The following TBXAS1 variants were observed in gnomAD, a reference collection of about 807,000 sequenced individuals.
TBXAS1 encodes thromboxane A synthase 1.
In TBXAS1, 48 loss-of-function variants were observed where a neutral mutation model predicts 60.7. The observed-to-expected ratio is 0.79, with a 90% confidence interval of 0.63 to 1.01. The LOEUF is 1.01. Ranked by LOEUF, TBXAS1 falls within the 50% of genes least tolerant of loss-of-function variation. The pLI is 0.00. For missense variants in TBXAS1, 685 were observed against 686.3 expected (o/e 1.00, Z 0.02); for synonymous variants, 287 against 269.7 (o/e 1.06, Z -0.63).
chr7:139,998,549 T>C (rs970022176), intron 9 of TBXAS1, among the ~76,000 whole-genome samples: 1 of 152,190 alleles, frequency 6.6e-6, no homozygotes, highest in Admixed American at 6.5e-5. Flanking sequence ...ATATCTGGTT[T>C]TTTTTCATCT....
chr7:139,783,567 C>T (rs547465123), intron 3 of TBXAS1, among the ~76,000 whole-genome samples: 4 of 152,258 alleles, frequency 2.6e-5, no homozygotes, highest in African/African-American at 7.2e-5. Context: ...GCAGTCCAGG[C>T]TGAACTTGGA....
At chr7:139,879,733 T>C (rs960393435) in intron 3 of TBXAS1, among the ~76,000 whole-genome samples, 8 of 152,166 alleles carry the variant, frequency 5.3e-5, no homozygotes, top group South Asian at 2.1e-4. Flanking sequence ...TAATTACTTA[T>C]AGTTAAGTAA....
intron 5 of TBXAS1, among the ~76,000 whole-genome samples, chr7:139,940,845 G>T (rs552026851): frequency 6.6e-6 from 1 of 152,062 alleles, no homozygotes; most frequent in Non-Finnish European, 1.5e-5. Context: ...TCAAAGAACC[G>T]AGAAGCTTTC....
chr7:139,947,257 C>T (rs1025244907), intron 5 of TBXAS1, among the ~76,000 whole-genome samples: 3 of 152,172 alleles, frequency 2.0e-5, no homozygotes, highest in Non-Finnish European at 2.9e-5. Flanking sequence ...AGATTATGTC[C>T]TTTGCAGGGA....
chr7:139,905,027 CTT>C (rs1283933659), intron 3 of TBXAS1, among the ~76,000 whole-genome samples: 1 of 80,212 alleles, frequency 1.2e-5, no homozygotes, highest in Non-Finnish European at 2.3e-5. Context: ...TTCTTTCTTT[CTT>C]TCTTTCTTTC....
At chr7:139,955,690 C>T in intron 7 of TBXAS1, 83 bp downstream of exon 7, 1 of 1,587,284 alleles carries the variant, frequency 6.3e-7, no homozygotes, top group Non-Finnish European at 8.6e-7. Flanking sequence ...GCTTCTGGGG[C>T]TCTGTCCCTG....
At chr7:139,830,186 C>A (rs528995745) in intron 1 of TBXAS1, among the ~76,000 whole-genome samples, 3 of 152,126 alleles carry the variant, frequency 2.0e-5, no homozygotes, top group Non-Finnish European at 4.4e-5. Flanking sequence ...TATGCATATT[C>A]GCCCTGTCAG....
intron 3 of TBXAS1, among the ~76,000 whole-genome samples, chr7:139,892,524 C>T (rs1803704363): frequency 6.6e-6 from 1 of 152,024 alleles, no homozygotes; most frequent in South Asian, 2.1e-4. Flanking sequence ...ACCTGGGAGG[C>T]GGAGGTTGCA....
At chr7:139,823,917 T>C (rs1221608983) in intron 4 of TBXAS1, among the ~76,000 whole-genome samples, 1 of 152,220 alleles carries the variant, frequency 6.6e-6, no homozygotes, top group Non-Finnish European at 1.5e-5. Context: ...ATTGTCCCTT[T>C]ACCCAGCATC....
At chr7:139,873,387 C>T (rs556123139) in intron 2 of TBXAS1, among the ~76,000 whole-genome samples, 14 of 152,306 alleles carry the variant, frequency 9.2e-5, no homozygotes, top group African/African-American at 3.1e-4. Flanking sequence ...GGGAGAAGAA[C>T]ATAGGTTAGA....
At chr7:139,984,282 T>C (rs1294388660) in intron 9 of TBXAS1, among the ~76,000 whole-genome samples, 1 of 152,196 alleles carries the variant, frequency 6.6e-6, no homozygotes, top group Admixed American at 6.5e-5. Flanking sequence ...TTTTTTATTT[T>C]GCTACTTTGT....
chr7:139,780,001 A>G (rs1331105282), intron 1 of TBXAS1, among the ~76,000 whole-genome samples: 2 of 152,168 alleles, frequency 1.3e-5, no homozygotes, highest in Admixed American at 1.3e-4. Flanking sequence ...CTCCTCCACA[A>G]AACAGCCCGA....
intron 3 of TBXAS1, among the ~76,000 whole-genome samples, chr7:139,879,832 TTGTGTGTGTGTGTGTGTGTGTGTGTGTG>T (rs57176056): frequency 1.4e-5 from 2 of 140,430 alleles, no homozygotes; most frequent in Non-Finnish European, 3.1e-5. Context: ...TTATCTCATT[TTGTGTGTGTGTGTGTGTGTGTGTGTGTG>T]TGTGTGTGTG....
intron 9 of TBXAS1, among the ~76,000 whole-genome samples, chr7:139,990,655 T>C (rs1812821999): frequency 6.6e-6 from 1 of 152,056 alleles, no homozygotes. Context: ...GGGGCCGCTC[T>C]GGTGGCTTCT....
chr7:139,784,021 T>C (rs978372762), intron 3 of TBXAS1, among the ~76,000 whole-genome samples: 1 of 151,224 alleles, frequency 6.6e-6, no homozygotes, highest in Non-Finnish European at 1.5e-5. Context: ...GTTTTTTTTT[T>C]TTTTGTATTT....
At chr7:139,888,538 G>A (rs1049157542) in intron 3 of TBXAS1, among the ~76,000 whole-genome samples, 3 of 152,082 alleles carry the variant, frequency 2.0e-5, no homozygotes, top group Non-Finnish European at 4.4e-5. Context: ...ATATCACAGG[G>A]CATACACTCC....
chr7:139,792,853 A>G (rs1267496153), intron 4 of TBXAS1, among the ~76,000 whole-genome samples: 1 of 152,206 alleles, frequency 6.6e-6, no homozygotes, highest in Non-Finnish European at 1.5e-5. Context: ...CATAACTATC[A>G]TTTGAGGCCC....
chr7:139,987,453 T>C (rs1812578614), intron 9 of TBXAS1, among the ~76,000 whole-genome samples: 1 of 152,116 alleles, frequency 6.6e-6, no homozygotes, highest in Admixed American at 6.5e-5. Flanking sequence ...ACAGCTCTGT[T>C]CCCCTGGGGT....
At chr7:139,835,679 T>A (rs756976805) in intron 1 of TBXAS1, among the ~76,000 whole-genome samples, 2 of 152,114 alleles carry the variant, frequency 1.3e-5, no homozygotes, top group Non-Finnish European at 2.9e-5. Flanking sequence ...TAATACTGAA[T>A]GGGGAAAAGT....
Sources: gnomAD v4.1 joint callset for allele counts (sites outside exome capture counted in the v4.1 genomes callset) on GRCh38, gnomAD v4.1.1 for gene constraint, MANE v1.5 for transcripts, NCBI Gene and HGNC (gene_info 2026-07-23, HGNC 2026-07-21) for gene names.